The following MGAT5 variants were observed in gnomAD, a reference collection of about 807,000 sequenced individuals.
MGAT5 encodes the protein alpha-1,6-mannosylglycoprotein 6-beta-N-acetylglucosaminyltransferase.
MGAT5 carries 30 observed loss-of-function variants against 94.3 expected under a neutral mutation model. The observed-to-expected ratio is 0.32, with a 90% CI of 0.24 to 0.43. The LOEUF (loss-of-function observed/expected upper bound fraction) is 0.43. Ranked by LOEUF, MGAT5 falls within the 20% of genes least tolerant of loss-of-function variation. The pLI is 1.00. For synonymous variants in MGAT5, 310 were observed against 322.9 expected, an observed-to-expected ratio of 0.96 and a Z score of 0.43; for missense variants, 691 against 905.5, an observed-to-expected ratio of 0.76 and a Z score of 3.04.
At chr2:134,351,247 A>G (rs995235388) in intron 9 of MGAT5, among the ~76,000 whole-genome samples, 3 of 152,174 alleles carry the variant, frequency 2.0e-5, no homozygotes, top group African/African-American at 7.2e-5. Context: ...CACGTTAGAT[A>G]ACAGATGGCT....
At chr2:134,434,071 G>A (rs1172295476) in intron 14 of MGAT5, among the ~76,000 whole-genome samples, 1 of 152,126 alleles carries the variant, frequency 6.6e-6, no homozygotes, top group Non-Finnish European at 1.5e-5. Context: ...TGGCCCTTCT[G>A]TTACCACTCC....
chr2:134,272,884 C>A (rs540038874), intron 2 of MGAT5, among the ~76,000 whole-genome samples: 1 of 152,296 alleles, frequency 6.6e-6, no homozygotes, highest in South Asian at 2.1e-4. Context: ...CTACCATTTT[C>A]TTACCTAGAA....
chr2:134,406,825 G>A (rs1363752408), intron 11 of MGAT5, among the ~76,000 whole-genome samples: 2 of 152,082 alleles, frequency 1.3e-5, no homozygotes, highest in Non-Finnish European at 2.9e-5. Context: ...AGTCCAGAAG[G>A]CTGAGGTTGT....
chr2:134,179,086 C>T (rs998122093), intron 1 of MGAT5, among the ~76,000 whole-genome samples: 2 of 152,170 alleles, frequency 1.3e-5, no homozygotes, highest in African/African-American at 4.8e-5. Context: ...TTCCCAGCTG[C>T]GGATGAACAA....
Position 134,161,860 on chromosome 2 carries a change from T to C in MGAT5, c.-143+41569T>C, listed in dbSNP as rs1687749632. Among the ~76,000 whole-genome samples, 3 of 152,032 alleles carry C rather than the reference T, an allele frequency of 2.0e-5. 1 individual carries two copies. The highest frequency in any genetic ancestry group is 4.1e-4 in the South Asian group (2 of 4,820). ...AACATGTGTAAAATAGGAGTAGATA[T>C]GAATATTTGGAGATTGGTGAAGTGA... On this transcript the variant is annotated intron_variant, in intron 1 of 16. Coordinates refer to the MGAT5 transcript ENST00000409645.
chr2:134,207,678 C>G (rs1483433721), intron 1 of MGAT5, among the ~76,000 whole-genome samples: 2 of 152,072 alleles, frequency 1.3e-5, no homozygotes, highest in East Asian at 3.9e-4. Flanking sequence ...CAAATCCTGA[C>G]CTTGGAAAGC....
intron 10 of MGAT5, among the ~76,000 whole-genome samples, chr2:134,381,399 TAGA>T (rs776898614): frequency 1.4e-3 from 115 of 84,696 alleles, no homozygotes; most frequent in Non-Finnish European, 1.7e-3. Context: ...GATAGATAGA[TAGA>T]TAGATAGATA....
intron 1 of MGAT5, among the ~76,000 whole-genome samples, chr2:134,148,212 A>C (rs191449303): frequency 9.8e-5 from 15 of 152,332 alleles, no homozygotes; most frequent in Admixed American, 9.8e-4. Flanking sequence ...AGAGCATGCA[A>C]AAGTTAAGAC....
At chr2:134,370,447 C>G (rs1680712161) in intron 10 of MGAT5, among the ~76,000 whole-genome samples, 1 of 152,238 alleles carries the variant, frequency 6.6e-6, no homozygotes. Context: ...ACTGGAAAGT[C>G]TGATGTGATC....
rs912983981 is a variant in MGAT5 at position 134,189,602 on chromosome 2, G to GTTTTTTTTTTTTTT, written c.-142-64655_-142-64642dup. 5.1e-4 allele frequency among the ~76,000 whole-genome samples: 43 copies of GTTTTTTTTTTTTTT among 84,664 alleles called. 4 individuals carry two copies. The highest frequency in any genetic ancestry group is 9.8e-4 in the East Asian group (3 of 3,052). 55.5% of individuals were successfully genotyped at this position (84,664 alleles called of 152,430 possible). ...AACCTCATGGCTCTAGTTTTTTTTT[G>GTTTTTTTTTTTTTT]TTTTTTTTTTTTTTTTTTAAGACAG... On this transcript the variant is annotated intron_variant, in intron 1 of 16. Coordinates refer to the MGAT5 transcript ENST00000409645.
At chr2:134,151,533 C>T (rs1228940526) in intron 1 of MGAT5, among the ~76,000 whole-genome samples, 2 of 143,802 alleles carry the variant, frequency 1.4e-5, no homozygotes, top group Admixed American at 6.9e-5. Context: ...GCCATGGGAC[C>T]TCACTCACTC....
At chr2:134,326,872 G>A (rs1558793380) in intron 4 of MGAT5, among the ~76,000 whole-genome samples, 2 of 152,054 alleles carry the variant, frequency 1.3e-5, no homozygotes, top group Non-Finnish European at 2.9e-5. Flanking sequence ...GAAAGTGAGG[G>A]AGTAAGAAGT....
At chr2:134,324,413 T>A (rs1449662632) in intron 4 of MGAT5, among the ~76,000 whole-genome samples, 1 of 152,152 alleles carries the variant, frequency 6.6e-6, no homozygotes, top group African/African-American at 2.4e-5. Flanking sequence ...GACGTAAAGG[T>A]CTTTGCTTCT....
In MGAT5 at chr2:134,341,792, A is replaced by G. The variant is rs760849923; in HGVS notation, c.977+33A>G. The G allele has an allele frequency of 3.2e-6, 5 of 1,566,326 alleles. No homozygotes were observed. In the Admixed American group the frequency reaches 1.0e-4, roughly 32 times the overall value. Reference sequence around the variant, plus strand: ...GATTACTTTTCAATTTTAAAATCAGAATACAAAAAAGAAATTGTAAACTCT... The same window carrying G: ...GATTACTTTTCAATTTTAAAATCAGGATACAAAAAAGAAATTGTAAACTCT... On this transcript the variant is annotated intron_variant, in intron 7 of 15. Transcript: ENST00000281923.
At position 134,370,851 on chromosome 2, in the gene MGAT5, AT is replaced by A. The variant is rs1176430813; in HGVS notation, c.1380+8447del. Reference sequence around the variant, plus strand: ...CATGATCCAGGAACCTTAAGGATTTATTTTAATGGGTGTTGGCTGCATGCTG... The same window carrying A: ...CATGATCCAGGAACCTTAAGGATTTATTTAATGGGTGTTGGCTGCATGCTG... On this transcript the variant is annotated intron_variant, in intron 10 of 15. Coordinates refer to ENST00000281923, the MANE Select transcript of MGAT5 (RefSeq NM_002410.5). Among the ~76,000 whole-genome samples, 3 of 152,348 alleles carry A rather than the reference AT, an allele frequency of 2.0e-5. No individual in the cohort carries two copies. The East Asian group carries it at 5.8e-4, about 29-fold the overall frequency.
chr2:134,145,628 G>C (rs549954977), intron 1 of MGAT5, among the ~76,000 whole-genome samples: 4 of 152,338 alleles, frequency 2.6e-5, no homozygotes, highest in African/African-American at 9.6e-5. Flanking sequence ...GGAGTGAGGG[G>C]CAGGAAAAAG....
chr2:134,441,695 C>T (rs945345014), intron 14 of MGAT5, 63 bp from the exon 15 acceptor site: 6 of 1,547,036 alleles, frequency 3.9e-6, no homozygotes, highest in Non-Finnish European at 5.3e-6. Context: ...GGGTGGTTGG[C>T]AGGGCTGGGG....
chr2:134,442,805 C>T (rs1460287035), intron 15 of MGAT5, among the ~76,000 whole-genome samples: 1 of 152,102 alleles, frequency 6.6e-6, no homozygotes, highest in East Asian at 1.9e-4. Context: ...ATTATCTAGC[C>T]TCCCCACCCA....
chr2:134,360,557 A>C (rs909282953), intron 9 of MGAT5, among the ~76,000 whole-genome samples: 3 of 102,870 alleles, frequency 2.9e-5, no homozygotes, highest in African/African-American at 7.7e-5. Context: ...AAAAAATTTA[A>C]AAACACCTGA....
Sources: allele counts gnomAD v4.1 joint callset (sites outside exome capture counted in the v4.1 genomes callset), GRCh38; gene constraint gnomAD v4.1.1; transcripts MANE v1.5; gene names NCBI Gene and HGNC (gene_info 2026-07-23, HGNC 2026-07-21).